PCGF3: variants seen among roughly 807,000 people sequenced by gnomAD.
PCGF3 encodes the protein polycomb group ring finger 3, also known as polycomb group RING finger protein 3.
PCGF3 carries 7 observed loss-of-function variants against 33.1 expected under a neutral mutation model. That is an observed-to-expected ratio of 0.21 (90% CI 0.12 to 0.40). The LOEUF is 0.40. PCGF3 is among the 10% of genes least tolerant of loss of function. The pLI is 1.00. For missense variants in PCGF3, 211 were observed against 313.3 expected (o/e 0.67, Z 2.46); for synonymous variants, 153 against 121.3 (o/e 1.26, Z -1.72).
intron 1 of PCGF3, among the ~76,000 whole-genome samples, chr4:711,198 C>T (rs1269891825): frequency 4.6e-5 from 7 of 152,206 alleles, no homozygotes; most frequent in African/African-American, 1.4e-4. Context: ...AGACCTCAGC[C>T]GCCCCTCCCA....
intron 1 of PCGF3, among the ~76,000 whole-genome samples, chr4:726,193 A>G (rs1743326580): frequency 6.6e-6 from 1 of 152,198 alleles, no homozygotes; most frequent in Non-Finnish European, 1.5e-5. Flanking sequence ...CGGGTTTTTA[A>G]TGTGCATTTC....
intron 9 of PCGF3, chr4:762,916 A>T (rs1312539063): frequency 3.3e-5 from 5 of 152,224 alleles, no homozygotes; most frequent in Non-Finnish European, 7.3e-5. Context: ...GTCAGGAATG[A>T]CTGCAGGCCT....
At chr4:749,870 T>C (rs1272584753) in intron 8 of PCGF3, among the ~76,000 whole-genome samples, 1 of 152,142 alleles carries the variant, frequency 6.6e-6, no homozygotes, top group Non-Finnish European at 1.5e-5. Flanking sequence ...CAACCTGGAG[T>C]GCAATGGTGC....
intron 8 of PCGF3, among the ~76,000 whole-genome samples, chr4:760,915 CG>C (rs1745019626): frequency 6.6e-6 from 1 of 152,228 alleles, no homozygotes. Context: ...CGAGTGCATT[CG>C]CAGACACGGG....
At chr4:757,393 C>T (rs955161074) in intron 8 of PCGF3, 1 of 152,264 alleles carries the variant, frequency 6.6e-6, no homozygotes, top group Non-Finnish European at 1.5e-5. Flanking sequence ...ACGTGAAGCC[C>T]ACCATGGCCA....
At chr4:766,117 C>T in exon 11 of PCGF3, 1 of 1,591,470 alleles carries the variant, frequency 6.3e-7, no homozygotes, top group Non-Finnish European at 8.6e-7. Flanking sequence ...GGCCCTCGCA[C>T]CCTTGGGTGC....
chr4:741,314 C>T (rs527577464), intron 6 of PCGF3, among the ~76,000 whole-genome samples: 3 of 152,338 alleles, frequency 2.0e-5, no homozygotes, highest in South Asian at 2.1e-4. Context: ...TTGGCTGATT[C>T]GTTAGCGTTA....
intron 5 of PCGF3, among the ~76,000 whole-genome samples, chr4:735,952 G>A (rs139429587): frequency 0.01 from 1,588 of 152,366 alleles, 9 homozygotes; most frequent in Non-Finnish European, 0.016. Flanking sequence ...AATGCTCCCC[G>A]TACCATGAGG....
At chr4:769,332 G>C (rs1745519365) in exon 11 of PCGF3, 1 of 152,694 alleles carries the variant, frequency 6.5e-6, no homozygotes, top group African/African-American at 2.4e-5. Context: ...TGGACGTTCT[G>C]GGTACAAGCC....
At chr4:762,102 G>A in intron 9 of PCGF3, 1 of 985,012 alleles carries the variant, frequency 1.0e-6, no homozygotes, top group Non-Finnish European at 1.2e-6. Flanking sequence ...TGTAGCAGCA[G>A]TGGACTCAGT....
At chr4:733,811 C>G (rs529338486) in intron 4 of PCGF3, 22 bp downstream of exon 4, 1 of 1,613,620 alleles carries the variant, frequency 6.2e-7, no homozygotes, top group Admixed American at 1.7e-5. Context: ...GCCCGCGCCA[C>G]CCAGGGAGGG....
chr4:709,708 A>G (rs1577391298), intron 1 of PCGF3, among the ~76,000 whole-genome samples: 1 of 152,222 alleles, frequency 6.6e-6, no homozygotes, highest in African/African-American at 2.4e-5. Context: ...GAGACACTGA[A>G]TTGGATGGTT....
intron 1 of PCGF3, among the ~76,000 whole-genome samples, chr4:708,366 G>C (rs1476725453): frequency 6.6e-6 from 1 of 152,140 alleles, no homozygotes; most frequent in Non-Finnish European, 1.5e-5. Context: ...ACTGTAAGGA[G>C]TACTGGGACC....
chr4:757,783 ATC>A (rs1353797273), intron 8 of PCGF3: 5 of 151,982 alleles, frequency 3.3e-5, no homozygotes, highest in South Asian at 2.1e-4. Context: ...ACTTTCTTTA[ATC>A]TCTTTCTTTC....
At chr4:762,448 C>G (rs897411465) in intron 9 of PCGF3, 1 of 152,268 alleles carries the variant, frequency 6.6e-6, no homozygotes, top group African/African-American at 2.4e-5. Flanking sequence ...TTGGAAATTC[C>G]ATCCCCAGCA....
chr4:720,819 C>G lies in PCGF3; in HGVS notation c.-189-9811C>G. Among the ~76,000 whole-genome samples the G allele has an allele frequency of 6.6e-6, 1 of 152,260 alleles. No homozygotes were observed. The highest frequency in any genetic ancestry group is 1.9e-4 in the East Asian group (1 of 5,174). ...GGCATGGGAAGCAGAGGGTGAGGCT[C>G]GGCTCTGCTGTCAGGAGGACATGTC... On this transcript the variant is annotated intron_variant, in intron 1 of 10. Coordinates refer to ENST00000362003, the Ensembl canonical transcript of PCGF3. The surrounding 1 kb of genome is among the most constrained non-coding windows in gnomAD (Gnocchi z 5.6).
At chr4:731,050 A>T (rs539149425) in exon 3 of PCGF3, 1 of 398,592 alleles carries the variant, frequency 2.5e-6, no homozygotes, top group Non-Finnish European at 4.4e-6. Flanking sequence ...GTCGCGTGGG[A>T]GTGCTGGCCT....
chr4:766,295 C>G (rs1018982874), exon 11 of PCGF3: 21 of 515,148 alleles, frequency 4.1e-5, no homozygotes, highest in South Asian at 7.1e-5. Context: ...CAGAGCCGAT[C>G]GTCCTCTCCC....
chr4:722,010 C>G (rs1332081342), intron 1 of PCGF3, among the ~76,000 whole-genome samples: 1 of 151,998 alleles, frequency 6.6e-6, no homozygotes, highest in Non-Finnish European at 1.5e-5. Context: ...CGTGGAGAGG[C>G]CCGTGGCAGC....
Sources: allele counts gnomAD v4.1 joint callset (sites outside exome capture counted in the v4.1 genomes callset), GRCh38; gene constraint gnomAD v4.1.1; non-coding constraint Gnocchi (gnomAD v3.1); transcripts MANE v1.5; gene names NCBI Gene and HGNC (gene_info 2026-07-23, HGNC 2026-07-21).